Variants in NOL4 observed in about 807,000 individuals in gnomAD.
NOL4 encodes nucleolar protein 4, also known as cancer/testis antigen 125.
In NOL4, 17 loss-of-function variants were observed where a neutral mutation model predicts 75.9. That is an observed-to-expected ratio of 0.22 (90% CI 0.15 to 0.34). The LOEUF (loss-of-function observed/expected upper bound fraction) is 0.34. Ranked by LOEUF, NOL4 falls within the 10% of genes least tolerant of loss-of-function variation. The pLI is 1.00. For missense variants in NOL4, 614 were observed against 793.5 expected, an observed-to-expected ratio of 0.77 and a Z score of 2.72; for synonymous variants, 292 against 289.9, an observed-to-expected ratio of 1.01 and a Z score of -0.07.
At chr18:33,927,676 G>A (rs920269148) in intron 9 of NOL4, among the ~76,000 whole-genome samples, 8 of 152,008 alleles carry the variant, frequency 5.3e-5, no homozygotes, top group African/African-American at 1.9e-4. Context: ...ATGAAATGAA[G>A]ATACATTGAT....
intron 9 of NOL4, among the ~76,000 whole-genome samples, chr18:33,918,714 A>G (rs2066868469): frequency 6.6e-6 from 1 of 152,186 alleles, no homozygotes; most frequent in African/African-American, 2.4e-5. Flanking sequence ...AAATTTTGGC[A>G]TATATGTTTG....
chr18:34,124,544 G>A (rs2080294832), intron 2 of NOL4, among the ~76,000 whole-genome samples: 1 of 152,030 alleles, frequency 6.6e-6, no homozygotes. Context: ...TTGATGACAT[G>A]CTTCTTAACT....
At chr18:34,205,469 C>A (rs1247428149) in intron 1 of NOL4, among the ~76,000 whole-genome samples, 2 of 151,986 alleles carry the variant, frequency 1.3e-5, no homozygotes, top group Non-Finnish European at 2.9e-5. Flanking sequence ...TTTCTCCACC[C>A]AAAGCGGTTT....
At chr18:34,091,484 T>C (rs1191968325) in intron 5 of NOL4, among the ~76,000 whole-genome samples, 2 of 152,088 alleles carry the variant, frequency 1.3e-5, no homozygotes, top group African/African-American at 2.4e-5. Context: ...TCAGCAATAA[T>C]GCACTATCGT....
chr18:33,872,968 A>G lies in NOL4; in HGVS notation c.1723+10276T>C, dbSNP rs1181085003. On this transcript the variant is annotated intron_variant, in intron 10 of 10. Transcript: ENST00000261592. ...CTAAATATAACACATTGTTTCTTTT[A>G]TAACCAAAGTTTCACTGTGTGCTGC... Among the ~76,000 whole-genome samples the G allele has an allele frequency of 2.6e-5, 4 of 152,122 alleles. No homozygotes were observed. In the East Asian group the frequency reaches 7.8e-4, roughly 29 times the overall value.
chr18:34,060,058 T>C (rs2077007585), intron 5 of NOL4, among the ~76,000 whole-genome samples: 1 of 152,172 alleles, frequency 6.6e-6, no homozygotes, highest in Non-Finnish European at 1.5e-5. Flanking sequence ...CTAAGCTGTG[T>C]CAACTCACAG....
intron 6 of NOL4, among the ~76,000 whole-genome samples, chr18:34,005,597 G>A (rs1233324097): frequency 1.3e-5 from 2 of 151,970 alleles, no homozygotes; most frequent in African/African-American, 4.8e-5. Flanking sequence ...TCCTGCCCTG[G>A]CAATGGCTCT....
At chr18:34,008,020 T>C (rs1370431330) in intron 6 of NOL4, among the ~76,000 whole-genome samples, 1 of 152,020 alleles carries the variant, frequency 6.6e-6, no homozygotes, top group East Asian at 1.9e-4. Flanking sequence ...TTTGAATTGG[T>C]AAACTGGTCA....
rs117755187 is a variant in NOL4, at chr18:33,899,505, C to T, written c.1543-16081G>A. 6.2e-3 allele frequency among the ~76,000 whole-genome samples: 944 copies of T among 152,228 alleles called. 29 individuals are homozygous for T. The East Asian group carries it at 0.087, about 14-fold the overall frequency. On this transcript the variant is annotated intron_variant, in intron 9 of 10. Coordinates refer to ENST00000261592, the MANE Select transcript of NOL4 (RefSeq NM_003787.5). ...GCAGCCAGGAGAAGTTGCTCCTGGCCAGCTGGCCCCAGCTAAGGAATTCCT... is the reference window on the plus strand; with the variant it reads ...GCAGCCAGGAGAAGTTGCTCCTGGCTAGCTGGCCCCAGCTAAGGAATTCCT...
chr18:34,122,381 C>CTAATA (rs1315489796), intron 2 of NOL4, among the ~76,000 whole-genome samples: 2 of 151,642 alleles, frequency 1.3e-5, no homozygotes, highest in Admixed American at 6.6e-5. Flanking sequence ...CCATAGGTCA[C>CTAATA]TAAGGAGAAT....
intron 10 of NOL4, among the ~76,000 whole-genome samples, chr18:33,881,508 G>C (rs868425481): frequency 6.6e-6 from 1 of 152,078 alleles, no homozygotes; most frequent in Non-Finnish European, 1.5e-5. Context: ...GGATGTGAAG[G>C]ACCTCTTCAA....
intron 1 of NOL4, among the ~76,000 whole-genome samples, chr18:34,211,296 C>A (rs1246528011): frequency 6.6e-6 from 1 of 152,048 alleles, no homozygotes; most frequent in Non-Finnish European, 1.5e-5. Context: ...GAAAAATGAG[C>A]AACAACATAG....
At chr18:34,201,646 G>A (rs2035750967) in intron 1 of NOL4, among the ~76,000 whole-genome samples, 2 of 151,116 alleles carry the variant, frequency 1.3e-5, no homozygotes, top group Admixed American at 1.3e-4. Flanking sequence ...TTACTTCTAG[G>A]CCCACCTGAA....
At chr18:34,123,469 C>T (rs1320125459) in intron 2 of NOL4, among the ~76,000 whole-genome samples, 1 of 144,908 alleles carries the variant, frequency 6.9e-6, no homozygotes, top group Non-Finnish European at 1.5e-5. Flanking sequence ...ATAAATAAAC[C>T]AATGTGAAAA....
chr18:34,006,794 C>T (rs1163963926), intron 6 of NOL4, among the ~76,000 whole-genome samples: 4 of 151,990 alleles, frequency 2.6e-5, no homozygotes, highest in Non-Finnish European at 1.5e-5. Context: ...GTGGGATGAT[C>T]TTTGGAAGAC....
At chr18:33,922,613 A>T (rs1004100248) in intron 9 of NOL4, among the ~76,000 whole-genome samples, 3 of 152,148 alleles carry the variant, frequency 2.0e-5, no homozygotes, top group Non-Finnish European at 4.4e-5. Context: ...ATTGTCTTTA[A>T]TTTTTTCCTG....
chr18:33,920,920 G>A lies in NOL4; in HGVS notation c.1542+22145C>T, dbSNP rs538830797. On this transcript the variant is annotated intron_variant, in intron 9 of 10. Transcript: ENST00000261592. ...TGGACATCATTGGCGAAGAGGTCGC[G>A]GCCACTGCCCAGGCTGGCCAAGAGG... 2.1e-3 allele frequency among the ~76,000 whole-genome samples: 323 copies of A among 152,296 alleles called. 1 individual carries two copies. Among genetic ancestry groups the A allele is most frequent in the African/African-American group, 3.8e-3 (156 of 41,560 alleles).
intron 1 of NOL4, among the ~76,000 whole-genome samples, chr18:34,205,430 G>A (rs776080353): frequency 6.6e-6 from 1 of 152,044 alleles, no homozygotes; most frequent in Non-Finnish European, 1.5e-5. Flanking sequence ...AATTCCAAAT[G>A]TATCAGCGGG....
intron 5 of NOL4, among the ~76,000 whole-genome samples, chr18:34,075,664 T>G (rs1032483068): frequency 1.3e-5 from 2 of 152,202 alleles, no homozygotes; most frequent in African/African-American, 4.8e-5. Flanking sequence ...CTGCAAGTCA[T>G]GACATTAGAG....
Sources: gnomAD v4.1 joint callset for allele counts (sites outside exome capture counted in the v4.1 genomes callset) on GRCh38, gnomAD v4.1.1 for gene constraint, MANE v1.5 for transcripts, NCBI Gene and HGNC (gene_info 2026-07-23, HGNC 2026-07-21) for gene names.